Variants in MALRD1 observed in about 807,000 individuals in gnomAD.
MALRD1 encodes the protein MAM and LDL receptor class A domain containing 1, also known as MAM and LDL-receptor class A domain-containing protein 1.
MALRD1 carries 247 observed loss-of-function variants against 242.1 expected under a neutral mutation model. The ratio of observed to expected loss-of-function variants is 1.02; its 90% CI spans 0.92 to 1.13. MALRD1 has a LOEUF of 1.13. MALRD1 is among the 50% of genes most tolerant of loss of function. The probability of loss-of-function intolerance (pLI) is 0.00; values close to 1 mark genes in which losing one functional copy is unlikely to be tolerated. For synonymous variants in MALRD1, 995 were observed against 866.6 expected (o/e 1.15, Z -2.60); for missense variants, 2,989 against 2,533.1 (o/e 1.18, Z -3.86).
At chr10:19,220,430 C>T (rs185750943) in intron 18 of MALRD1, among the ~76,000 whole-genome samples, 1 of 152,254 alleles carries the variant, frequency 6.6e-6, no homozygotes, top group Non-Finnish European at 1.5e-5. Flanking sequence ...GAGCATATTA[C>T]AGACCTTCCA....
chr10:19,373,089 T>C (rs941928319), intron 26 of MALRD1, among the ~76,000 whole-genome samples: 3 of 151,286 alleles, frequency 2.0e-5, no homozygotes, highest in African/African-American at 7.3e-5. Context: ...TTTACACTTT[T>C]GGAGAAAAAA....
rs1351627118 is a variant in MALRD1 at position 19,419,132 on chromosome 10, G to A, written c.4845+29523G>A. 3.3e-5 allele frequency among the ~76,000 whole-genome samples: 5 copies of A among 152,128 alleles called. No individual in the cohort carries two copies. In the South Asian group the frequency reaches 1.0e-3, roughly 32 times the overall value. On this transcript the variant is annotated intron_variant, in intron 28 of 39. Coordinates refer to ENST00000454679, the MANE Select transcript of MALRD1 (RefSeq NM_001142308.3). ...CCATCCTTTGCCACCTGACTCCCAC[G>A]TGATCTATATACCCTTGTCTTTTAA...
intron 32 of MALRD1, among the ~76,000 whole-genome samples, chr10:19,539,832 A>G (rs1834858996): frequency 7.0e-6 from 1 of 143,418 alleles, no homozygotes; most frequent in African/African-American, 2.6e-5. Flanking sequence ...GACTACCAGC[A>G]TGCGCCACCA....
chr10:19,610,327 A>G (rs1005288429), intron 35 of MALRD1, among the ~76,000 whole-genome samples: 4 of 151,834 alleles, frequency 2.6e-5, no homozygotes, highest in African/African-American at 7.2e-5. Flanking sequence ...TATTCCTTCT[A>G]TCTAATAGTA....
intron 11 of MALRD1, among the ~76,000 whole-genome samples, chr10:19,151,602 T>G (rs977974447): frequency 1.5e-4 from 23 of 152,272 alleles, no homozygotes; most frequent in Middle Eastern, 3.4e-3. Context: ...CTTGTCTTAT[T>G]TCTCTCTCAG....
At chr10:19,489,488 G>A (rs1837387120) in intron 29 of MALRD1, 1 of 559,760 alleles carries the variant, frequency 1.8e-6, no homozygotes, top group Non-Finnish European at 3.3e-6. Flanking sequence ...TTTTGTAAAT[G>A]CAAGTTGTTT....
At chr10:19,513,462 G>T (rs559374548) in intron 31 of MALRD1, among the ~76,000 whole-genome samples, 1 of 148,710 alleles carries the variant, frequency 6.7e-6, no homozygotes, top group Non-Finnish European at 1.5e-5. Flanking sequence ...CAACCTGGCC[G>T]GGCGTGGTGG....
intron 26 of MALRD1, among the ~76,000 whole-genome samples, chr10:19,382,494 G>A (rs1169368423): frequency 1.3e-5 from 2 of 152,152 alleles, no homozygotes. Flanking sequence ...TCACAAACTA[G>A]AAGGCATAGT....
intron 21 of MALRD1, among the ~76,000 whole-genome samples, chr10:19,298,211 C>T (rs1841794355): frequency 6.6e-6 from 1 of 151,898 alleles, no homozygotes; most frequent in Non-Finnish European, 1.5e-5. Context: ...TAAGAGGCTT[C>T]CTTGCTTCAT....
At chr10:19,345,018 A>C (rs1341551316) in intron 24 of MALRD1, among the ~76,000 whole-genome samples, 2 of 152,124 alleles carry the variant, frequency 1.3e-5, no homozygotes, top group Non-Finnish European at 2.9e-5. Flanking sequence ...ATCAGTTCCC[A>C]AGACTATGTG....
At chr10:19,683,968 C>T (rs1338338987) in intron 36 of MALRD1, among the ~76,000 whole-genome samples, 1 of 152,038 alleles carries the variant, frequency 6.6e-6, no homozygotes, top group Non-Finnish European at 1.5e-5. Context: ...GTGATGTTCC[C>T]CTCCCTGTGT....
At chr10:19,257,996 T>G (rs1341679983) in intron 19 of MALRD1, among the ~76,000 whole-genome samples, 1 of 152,168 alleles carries the variant, frequency 6.6e-6, no homozygotes, top group African/African-American at 2.4e-5. Flanking sequence ...GTCTATGACT[T>G]ATCACATGCA....
At chr10:19,187,546 G>C (rs901905180) in intron 14 of MALRD1, among the ~76,000 whole-genome samples, 1 of 152,170 alleles carries the variant, frequency 6.6e-6, no homozygotes, top group African/African-American at 2.4e-5. Context: ...CAATGTGGCT[G>C]GAAGAGGTTG....
intron 36 of MALRD1, among the ~76,000 whole-genome samples, chr10:19,642,171 C>T (rs1840416860): frequency 6.6e-6 from 1 of 152,144 alleles, no homozygotes; most frequent in Non-Finnish European, 1.5e-5. Flanking sequence ...TGCATCTTCT[C>T]ATATTGGCTT....
intron 19 of MALRD1, among the ~76,000 whole-genome samples, chr10:19,264,233 T>A (rs1460929722): frequency 6.6e-6 from 1 of 152,214 alleles, no homozygotes; most frequent in Non-Finnish European, 1.5e-5. Context: ...ATGTATCACA[T>A]TTATTAATTT....
chr10:19,571,202 T>C (rs1001029771), intron 33 of MALRD1, among the ~76,000 whole-genome samples: 1 of 152,166 alleles, frequency 6.6e-6, no homozygotes, highest in African/African-American at 2.4e-5. Context: ...ATGAGTGAGC[T>C]GTTCTGCTAG....
At chr10:19,096,761 C>G (rs972432585) in intron 4 of MALRD1, among the ~76,000 whole-genome samples, 3 of 152,222 alleles carry the variant, frequency 2.0e-5, no homozygotes, top group Non-Finnish European at 2.9e-5. Context: ...CATTTCCTTT[C>G]CATGCTGGCT....
intron 11 of MALRD1, among the ~76,000 whole-genome samples, chr10:19,149,353 A>G (rs1196681090): frequency 6.6e-6 from 1 of 152,020 alleles, no homozygotes; most frequent in Admixed American, 6.6e-5. Flanking sequence ...TGTTGATATT[A>G]TCTAGTTTTT....
rs1451584828 is a variant in MALRD1, at chr10:19,450,322, T to C, written c.4861T>C (p.Ser1621Pro). ...TTACTTTCAGACAGAGAAAGGACTA[T>C]CAAAAGTATGGCAAGAAAGTAAGCA... ...QILIKTEKGL[S>P]KVWQESKQNP... is the part of the protein sequence containing the mutation. The change falls in exon 29 of 40, where the codon TCA (serine) becomes CCA (proline). Residue 1621 changes from serine (S) to proline (P), a missense_variant. Ser to Pro is a moderately conservative substitution (Grantham distance 74). Coordinates refer to ENST00000454679, the MANE Select transcript of MALRD1 (RefSeq NM_001142308.3). 2.6e-6 allele frequency: 4 copies of C among 1,548,314 alleles called. No individual in the cohort carries two copies. The highest frequency in any genetic ancestry group is 1.2e-5 in the South Asian group (1 of 83,906).
Sources: gnomAD v4.1 joint callset for allele counts (sites outside exome capture counted in the v4.1 genomes callset) on GRCh38, gnomAD v4.1.1 for gene constraint, MANE v1.5 for transcripts, NCBI Gene and HGNC (gene_info 2026-07-23, HGNC 2026-07-21) for gene names.